FYN: variants seen among roughly 807,000 people sequenced by gnomAD.
FYN encodes tyrosine-protein kinase Fyn.
In FYN, 10 loss-of-function variants were observed where a neutral mutation model predicts 70.2. The ratio of observed to expected loss-of-function variants is 0.14; its 90% confidence interval spans 0.09 to 0.24. FYN has a LOEUF of 0.24. Among genes scored for constraint, FYN ranks in the 10% least tolerant of loss-of-function variants. The probability of loss-of-function intolerance (pLI) is 1.00; values close to 1 mark genes in which losing one functional copy is unlikely to be tolerated. For synonymous variants in FYN, 236 were observed against 248.6 expected, an observed-to-expected ratio of 0.95 and a Z score of 0.48; for missense variants, 319 against 673.1, an observed-to-expected ratio of 0.47 and a Z score of 5.82.
intron 6 of FYN, among the ~76,000 whole-genome samples, chr6:111,705,744 G>A (rs925279606): frequency 2.0e-5 from 3 of 152,156 alleles, no homozygotes; most frequent in African/African-American, 7.2e-5. Context: ...AGCTATTCGG[G>A]AGGCTGGGGC....
chr6:111,719,391 C>T (rs951935915), intron 4 of FYN, among the ~76,000 whole-genome samples: 2 of 151,770 alleles, frequency 1.3e-5, no homozygotes, highest in Middle Eastern at 3.2e-3. Context: ...ATCTAGAGAA[C>T]TCAAAATACA....
chr6:111,861,804 T>C (rs910615911), intron 1 of FYN, among the ~76,000 whole-genome samples: 7 of 152,248 alleles, frequency 4.6e-5, no homozygotes, highest in Non-Finnish European at 7.3e-5. Context: ...CCCATGACCA[T>C]GGAAAACATT....
At chr6:111,804,450 T>C (rs191670895) in intron 2 of FYN, among the ~76,000 whole-genome samples, 1 of 152,290 alleles carries the variant, frequency 6.6e-6, no homozygotes, top group Admixed American at 6.5e-5. Flanking sequence ...CACACAGGAA[T>C]AGGATGCTAC....
chr6:111,797,867 A>C (rs1279761825), intron 2 of FYN, among the ~76,000 whole-genome samples: 2 of 151,626 alleles, frequency 1.3e-5, no homozygotes, highest in African/African-American at 4.8e-5. Context: ...GGTGCAAGTG[A>C]TTCTCCTGCC....
intron 3 of FYN, among the ~76,000 whole-genome samples, chr6:111,764,317 T>C (rs1803139151): frequency 6.6e-6 from 1 of 150,504 alleles, no homozygotes; most frequent in Non-Finnish European, 1.5e-5. Context: ...TAATAAGAAG[T>C]AGTGATACTG....
chr6:111,804,680 G>A (rs1398500202), intron 2 of FYN, among the ~76,000 whole-genome samples: 2 of 152,166 alleles, frequency 1.3e-5, no homozygotes, highest in Non-Finnish European at 1.5e-5. Context: ...TACTTAGGCA[G>A]TACTTACACC....
chr6:111,663,840 C>T (rs1035982728), intron 13 of FYN, among the ~76,000 whole-genome samples: 3 of 151,704 alleles, frequency 2.0e-5, no homozygotes, highest in East Asian at 1.9e-4. Context: ...GGGATGGGGG[C>T]GGGGAGCTGG....
chr6:111,830,897 G>A (rs1772995744), intron 2 of FYN, among the ~76,000 whole-genome samples: 4 of 151,398 alleles, frequency 2.6e-5, no homozygotes, highest in African/African-American at 9.8e-5. Context: ...TATATATAAA[G>A]ATGGATTTGT....
At chr6:111,800,594 C>A (rs1249555027) in intron 2 of FYN, among the ~76,000 whole-genome samples, 2 of 152,192 alleles carry the variant, frequency 1.3e-5, no homozygotes, top group Non-Finnish European at 2.9e-5. Flanking sequence ...AGGCTCATCC[C>A]ATTTTTTTCT....
chr6:111,868,530 G>C (rs965179481), intron 1 of FYN, among the ~76,000 whole-genome samples: 2 of 151,300 alleles, frequency 1.3e-5, no homozygotes, highest in South Asian at 4.3e-4. Flanking sequence ...AAGGAGGGTA[G>C]GGATGAATAT....
intron 3 of FYN, among the ~76,000 whole-genome samples, chr6:111,751,650 C>A (rs1802494101): frequency 6.6e-6 from 1 of 151,582 alleles, no homozygotes; most frequent in African/African-American, 2.4e-5. Flanking sequence ...GAGACAGCAT[C>A]TTGCTCGGTC....
At chr6:111,671,149 AC>A (rs1286776400) in intron 13 of FYN, among the ~76,000 whole-genome samples, 1 of 151,520 alleles carries the variant, frequency 6.6e-6, no homozygotes, top group Non-Finnish European at 1.5e-5. Context: ...TTTCTCTACC[AC>A]CCCCGTTAAT....
intron 12 of FYN, among the ~76,000 whole-genome samples, chr6:111,685,888 T>TGCAAAGAAGCTGG (rs1486058857): frequency 3.9e-5 from 6 of 152,126 alleles, no homozygotes; most frequent in African/African-American, 1.4e-4. Flanking sequence ...GGGAAAGGTG[T>TGCAAAGAAGCTGG]GCAAAGAAGC....
At chr6:111,798,991 C>T (rs1440513154) in intron 2 of FYN, among the ~76,000 whole-genome samples, 4 of 152,136 alleles carry the variant, frequency 2.6e-5, no homozygotes, top group Admixed American at 1.3e-4. Context: ...CCCATGTTTC[C>T]AACCACAGCC....
chr6:111,694,525 C>A lies in FYN; in HGVS notation c.1123G>T (p.Ala375Ser). The change falls in exon 12 of 14, where the codon GCT becomes TCT. Residue 375 changes from alanine (A) to serine (S), a missense_variant. By Grantham distance (99) the Ala-to-Ser change is moderately conservative. Coordinates refer to ENST00000354650, the MANE Select transcript of FYN (RefSeq NM_002037.5). The surrounding 1 kb of genome is among the most constrained non-coding windows in gnomAD (Gnocchi z 5.0). ...PNLVDMAAQV[A>S]AGMAYIERMN... is the part of the protein sequence containing the mutation. The stretch of plus-strand genomic sequence containing the variant: ...CGCTCGATGTAAGCCATTCCTGCAG[C>A]CACCTGTGGAAACCCAGGGAACAGG... 6.2e-7 allele frequency: 1 copy of A among 1,614,156 alleles called. No individual in the cohort carries two copies. The highest frequency in any genetic ancestry group is 1.1e-5 in the South Asian group (1 of 91,076).
At chr6:111,824,464 CA>C (rs1200991739) in intron 2 of FYN, among the ~76,000 whole-genome samples, 1 of 151,830 alleles carries the variant, frequency 6.6e-6, no homozygotes, top group Admixed American at 6.6e-5. Flanking sequence ...TTGACACCAT[CA>C]TGGATGAGAG....
Position 111,777,552 on chromosome 6 carries a change from A to G in FYN, c.-12+3014T>C, listed in dbSNP as rs139149342. On this transcript the variant is annotated intron_variant, in intron 3 of 13. Transcript: ENST00000354650. Reference sequence around the variant, plus strand: ...AGCATCTCTGGCTTCCACCCACTAGATGCCACTAGCACACACCCTCCTCCC... The same window carrying G: ...AGCATCTCTGGCTTCCACCCACTAGGTGCCACTAGCACACACCCTCCTCCC... Among the ~76,000 whole-genome samples, 110 of 152,112 alleles carry G rather than the reference A, an allele frequency of 7.2e-4. 1 individual carries two copies. The East Asian group carries it at 0.018, about 25-fold the overall frequency.
chr6:111,712,639 T>C (rs778093310), intron 5 of FYN, among the ~76,000 whole-genome samples: 2 of 152,234 alleles, frequency 1.3e-5, no homozygotes, highest in Non-Finnish European at 2.9e-5. Context: ...CGTCGATGCA[T>C]ACCTCAGACA....
intron 5 of FYN, 110 bp downstream of exon 5, chr6:111,714,237 A>G (rs1295845869): frequency 8.5e-6 from 6 of 703,914 alleles, no homozygotes; most frequent in Non-Finnish European, 1.5e-5. Context: ...CAGTGAATTT[A>G]GCAAATGTTC....
Sources: allele counts gnomAD v4.1 joint callset (sites outside exome capture counted in the v4.1 genomes callset), GRCh38; gene constraint gnomAD v4.1.1; non-coding constraint Gnocchi (gnomAD v3.1); transcripts MANE v1.5; gene names NCBI Gene and HGNC (gene_info 2026-07-23, HGNC 2026-07-21).